The following ROBO2 variants were observed in gnomAD, a reference collection of about 807,000 sequenced individuals.
The protein encoded by ROBO2 is roundabout homolog 2.
ROBO2 carries 53 observed loss-of-function variants against 160.8 expected under a neutral mutation model. The ratio of observed to expected loss-of-function variants is 0.33; its 90% confidence interval spans 0.26 to 0.41. ROBO2 has a LOEUF of 0.41. Among genes scored for constraint, ROBO2 ranks in the 10% least tolerant of loss-of-function variants. The pLI is 1.00. For synonymous variants in ROBO2, 664 were observed against 611.7 expected, an observed-to-expected ratio of 1.09 and a Z score of -1.26; for missense variants, 1,577 against 1,722.4, an observed-to-expected ratio of 0.92 and a Z score of 1.49.
chr3:77,623,374 C>T (rs371920352), intron 23 of ROBO2, among the ~76,000 whole-genome samples: 5 of 152,118 alleles, frequency 3.3e-5, no homozygotes, highest in African/African-American at 7.2e-5. Flanking sequence ...ACCACAATCC[C>T]GCTTAATTCA....
chr3:76,411,220 T>G (rs1175788528), intron 2 of ROBO2, among the ~76,000 whole-genome samples: 1 of 152,100 alleles, frequency 6.6e-6, no homozygotes, highest in African/African-American at 2.4e-5. Context: ...ACCTTGACGT[T>G]CAGTTTAATT....
chr3:76,676,165 T>TC (rs2092401738), intron 2 of ROBO2, among the ~76,000 whole-genome samples: 1 of 152,046 alleles, frequency 6.6e-6, no homozygotes, highest in Admixed American at 6.6e-5. Context: ...TGAATTGTAA[T>TC]CCGAATTATA....
chr3:76,257,383 T>A (rs1706464753), intron 2 of ROBO2, among the ~76,000 whole-genome samples: 1 of 152,160 alleles, frequency 6.6e-6, no homozygotes, highest in Non-Finnish European at 1.5e-5. Context: ...TTATTTTCTA[T>A]AATATCTACT....
At chr3:76,972,857 A>G (rs1235127540) in intron 2 of ROBO2, among the ~76,000 whole-genome samples, 1 of 152,204 alleles carries the variant, frequency 6.6e-6, no homozygotes, top group African/African-American at 2.4e-5. Flanking sequence ...AAATAAATAC[A>G]TACACACATA....
chr3:76,701,266 T>C (rs1183115797), intron 2 of ROBO2, among the ~76,000 whole-genome samples: 1 of 152,124 alleles, frequency 6.6e-6, no homozygotes, highest in African/African-American at 2.4e-5. Flanking sequence ...TTTAAGAGCA[T>C]AATCAAAAGT....
At chr3:76,926,650 G>GGA (rs756813320) in intron 2 of ROBO2, among the ~76,000 whole-genome samples, 1 of 152,154 alleles carries the variant, frequency 6.6e-6, no homozygotes, top group Non-Finnish European at 1.5e-5. Context: ...TAGTAAGTAG[G>GGA]GAGAGAGAGA....
chr3:76,695,930 A>G (rs571983887), intron 2 of ROBO2, among the ~76,000 whole-genome samples: 1 of 152,294 alleles, frequency 6.6e-6, no homozygotes, highest in African/African-American at 2.4e-5. Flanking sequence ...TTTTTTTAAA[A>G]ATACCTTCAT....
Position 76,136,735 on chromosome 3 carries a change from G to T in ROBO2, c.109+199133G>T, listed in dbSNP as rs139319608. Among the ~76,000 whole-genome samples, 9 of 152,056 alleles carry T rather than the reference G, an allele frequency of 5.9e-5. No homozygotes were observed. In the East Asian group the frequency reaches 1.7e-3, roughly 29 times the overall value. On this transcript the variant is annotated intron_variant, in intron 2 of 26. Transcript: ENST00000487694. Reference sequence around the variant, plus strand: ...TGGTTGAGAAAAAAAAGAACAAAGGGAAAAGGAGGTTGTAAAAACAACAGC... The same window carrying T: ...TGGTTGAGAAAAAAAAGAACAAAGGTAAAAGGAGGTTGTAAAAACAACAGC...
rs1578910148 is a variant in ROBO2, at chr3:77,094,492, A to C, written c.62-3522A>C. ...ACTATTGTGAATAATACTGCTATGA[A>C]TATTCATGAGTAAGTTTTGTGTGGA... On this transcript the variant is annotated intron_variant, in intron 1 of 25. Transcript: ENST00000461745. Among the ~76,000 whole-genome samples the C allele has an allele frequency of 2.0e-5, 3 of 152,242 alleles. No homozygotes were observed. The Middle Eastern group carries it at 0.01, about 518-fold the overall frequency.
intron 2 of ROBO2, among the ~76,000 whole-genome samples, chr3:77,239,899 CG>C (rs1299210938): frequency 5.9e-5 from 9 of 152,090 alleles, no homozygotes; most frequent in Non-Finnish European, 1.3e-4. Flanking sequence ...TAGCTAGATA[CG>C]GAGGGCTGAT....
chr3:76,692,897 C>A (rs11929306), intron 2 of ROBO2, among the ~76,000 whole-genome samples: 48,209 of 150,474 alleles, frequency 0.32, 8,104 homozygotes, highest in East Asian at 0.58. Flanking sequence ...CTCTCTCTCT[C>A]TCTATATATA....
chr3:76,211,883 G>A (rs1049677708), intron 2 of ROBO2, among the ~76,000 whole-genome samples: 1 of 151,892 alleles, frequency 6.6e-6, no homozygotes, highest in African/African-American at 2.4e-5. Context: ...TTAGGATTTT[G>A]TCTGGTTAAT....
chr3:77,179,308 G>A lies in ROBO2; in HGVS notation c.388+80968G>A, dbSNP rs114967386. The stretch of plus-strand genomic sequence containing the variant: ...TGCTATAGGCCAGTTTTCCTAATAA[G>A]CCTGCAAAAAAAAAAAAGTTAAATT... On this transcript the variant is annotated intron_variant, in intron 2 of 25. Transcript: ENST00000461745. Among the ~76,000 whole-genome samples the A allele has an allele frequency of 4.6e-3, 682 of 148,424 alleles. 6 individuals carry two copies. The highest frequency in any genetic ancestry group is 0.015 in the African/African-American group (601 of 40,424).
chr3:77,470,763 A>T (rs1461092450), intron 2 of ROBO2, among the ~76,000 whole-genome samples: 1 of 152,148 alleles, frequency 6.6e-6, no homozygotes, highest in African/African-American at 2.4e-5. Context: ...ATTTACTGAA[A>T]CTGTATTCAT....
rs533493887 is a variant in ROBO2 at position 76,477,812 on chromosome 3, A to T, written c.109+540210A>T. Among the ~76,000 whole-genome samples the T allele has an allele frequency of 3.3e-5, 5 of 152,164 alleles. No homozygotes were observed. The East Asian group carries it at 9.7e-4, about 30-fold the overall frequency. ...CCTTATGTCCTACTACTAAAAAAAA[A>T]TCTCCACAGGCTTTAAAAACCTTTT... On this transcript the variant is annotated intron_variant, in intron 2 of 26. Transcript: ENST00000487694.
intron 2 of ROBO2, among the ~76,000 whole-genome samples, chr3:77,252,572 C>T (rs931475650): frequency 6.6e-6 from 1 of 151,344 alleles, no homozygotes; most frequent in Admixed American, 6.6e-5. Flanking sequence ...CTTTGGGAGG[C>T]CGAGGCGGGC....
At chr3:76,308,584 G>C (rs2071431755) in intron 2 of ROBO2, among the ~76,000 whole-genome samples, 1 of 152,094 alleles carries the variant, frequency 6.6e-6, no homozygotes, top group African/African-American at 2.4e-5. Context: ...TCATTGGACT[G>C]CCTCTCCTCT....
At chr3:77,538,486 C>A (rs2092292905) in intron 6 of ROBO2, among the ~76,000 whole-genome samples, 1 of 152,010 alleles carries the variant, frequency 6.6e-6, no homozygotes, top group Admixed American at 6.6e-5. Flanking sequence ...CAATCATTTA[C>A]ATTTCTTGGA....
At chr3:76,272,926 A>ATATAATATATG (rs1292348453) in intron 2 of ROBO2, among the ~76,000 whole-genome samples, 1,548 of 25,706 alleles carry the variant, frequency 0.06, 96 homozygotes, top group Non-Finnish European at 0.14. Flanking sequence ...AAATATATAT[A>ATATAATATATG]TTTATATATA....
Sources: allele counts gnomAD v4.1 joint callset (sites outside exome capture counted in the v4.1 genomes callset), GRCh38; gene constraint gnomAD v4.1.1; transcripts MANE v1.5; gene names NCBI Gene and HGNC (gene_info 2026-07-23, HGNC 2026-07-21).